SLC71A2: variants seen among roughly 807,000 people sequenced by gnomAD.
The protein encoded by SLC71A2 is solute carrier family 71 member 2.
the SLC71A2 span, chr9:94,458,264 C>A: frequency 1.3e-6 from 2 of 1,540,726 alleles, no homozygotes; most frequent in Non-Finnish European, 1.8e-6. Flanking sequence ...CTGTGCAGCT[C>A]CAAATCTTGA....
At chr9:94,460,245 AGGATGAGAGTTAGTAACT>A in the SLC71A2 span, 1 of 152,634 alleles carries the variant, frequency 6.6e-6, no homozygotes, top group African/African-American at 2.4e-5. Context: ...ATTCCTAAGT[AGGATGAGAGTTAGTAACT>A]GGATACGAGT....
the SLC71A2 span, among the ~76,000 whole-genome samples, chr9:94,387,302 A>G: frequency 6.6e-6 from 1 of 152,178 alleles, no homozygotes; most frequent in Non-Finnish European, 1.5e-5. Flanking sequence ...AATCATATTA[A>G]TATTGTTTAT....
the SLC71A2 span, among the ~76,000 whole-genome samples, chr9:94,458,102 A>G: frequency 2.0e-5 from 3 of 152,180 alleles, no homozygotes; most frequent in Admixed American, 6.5e-5. Context: ...TTTGGATTGT[A>G]TATGTTTTTA....
At chr9:94,437,299 T>C in the SLC71A2 span, among the ~76,000 whole-genome samples, 1 of 140,776 alleles carries the variant, frequency 7.1e-6, no homozygotes, top group African/African-American at 2.7e-5. Flanking sequence ...TGTGTACTCA[T>C]CACCTATTTC....
chr9:94,415,769 A>T, the SLC71A2 span, among the ~76,000 whole-genome samples: 4 of 152,152 alleles, frequency 2.6e-5, no homozygotes, highest in South Asian at 4.2e-4. Flanking sequence ...TGCTGATCTG[A>T]CAGGAGGCAG....
the SLC71A2 span, among the ~76,000 whole-genome samples, chr9:94,452,622 T>TATATATATATTTTCATATATATATTC: frequency 1.4e-5 from 2 of 143,628 alleles, no homozygotes; most frequent in Admixed American, 1.4e-4. Flanking sequence ...AGAATATATA[T>TATATATATATTTTCATATATATATTC]ATATATATAT....
At chr9:94,374,884 T>G in the SLC71A2 span, 1 of 1,231,230 alleles carries the variant, frequency 8.1e-7, no homozygotes. Context: ...GCGGGAGCCA[T>G]GCCGGAGAAG....
the SLC71A2 span, among the ~76,000 whole-genome samples, chr9:94,423,010 C>G: frequency 6.8e-6 from 1 of 147,446 alleles, no homozygotes; most frequent in Admixed American, 6.9e-5. Flanking sequence ...GATATCGGTT[C>G]ACTGCAATGT....
the SLC71A2 span, among the ~76,000 whole-genome samples, chr9:94,420,289 C>A: frequency 1.3e-5 from 2 of 152,210 alleles, no homozygotes; most frequent in African/African-American, 2.4e-5. Context: ...GACAACACTC[C>A]AAATCCAACG....
chr9:94,381,684 CTG>C, the SLC71A2 span, among the ~76,000 whole-genome samples: 1 of 152,154 alleles, frequency 6.6e-6, no homozygotes, highest in African/African-American at 2.4e-5. Context: ...TTTTAAGAAA[CTG>C]TTGGCTGGGC....
chr9:94,382,140 C>T, the SLC71A2 span, among the ~76,000 whole-genome samples: 1 of 151,908 alleles, frequency 6.6e-6, no homozygotes, highest in South Asian at 2.1e-4. Context: ...AATTCTCCCA[C>T]CTCAGCCTCT....
the SLC71A2 span, among the ~76,000 whole-genome samples, chr9:94,403,126 A>C: frequency 2.0e-5 from 3 of 152,036 alleles, no homozygotes; most frequent in Admixed American, 2.0e-4. Context: ...ATTTTTTGTG[A>C]CTGGCTCCTT....
the SLC71A2 span, among the ~76,000 whole-genome samples, chr9:94,394,859 T>G: frequency 6.8e-6 from 1 of 147,008 alleles, no homozygotes; most frequent in South Asian, 2.2e-4. Context: ...CTTTTTAATA[T>G]ATGTCTTCAT....
At chr9:94,388,115 C>T in the SLC71A2 span, among the ~76,000 whole-genome samples, 2 of 145,876 alleles carry the variant, frequency 1.4e-5, no homozygotes, top group Non-Finnish European at 3.0e-5. Context: ...CATTTAAGAT[C>T]TGTAGCGTGG....
the SLC71A2 span, among the ~76,000 whole-genome samples, chr9:94,455,393 T>TTTTTTTTTTTTTTTTTTTTTTTC: frequency 7.1e-6 from 1 of 141,120 alleles, no homozygotes; most frequent in Non-Finnish European, 1.5e-5. Context: ...TTTTTTTTTT[T>TTTTTTTTTTTTTTTTTTTTTTTC]TTTTTGTAAA....
At chr9:94,440,300 C>CCCA in the SLC71A2 span, among the ~76,000 whole-genome samples, 1 of 151,950 alleles carries the variant, frequency 6.6e-6, no homozygotes, top group Non-Finnish European at 1.5e-5. Context: ...ACTACAGGCG[C>CCCA]CCACCACCAC....
chr9:94,399,958 A>AG, the SLC71A2 span, among the ~76,000 whole-genome samples: 1 of 152,036 alleles, frequency 6.6e-6, no homozygotes. Context: ...GGCGTGTGCC[A>AG]CCACGGTGGC....
At chr9:94,418,225 A>T in the SLC71A2 span, among the ~76,000 whole-genome samples, 552 of 151,328 alleles carry the variant, frequency 3.6e-3, 4 homozygotes, top group African/African-American at 0.013. Context: ...ATTTATTTTT[A>T]TTTTTTTGCC....
chr9:94,457,737 T>C, the SLC71A2 span, among the ~76,000 whole-genome samples: 1 of 152,266 alleles, frequency 6.6e-6, no homozygotes, highest in Non-Finnish European at 1.5e-5. Context: ...AATGTCAGCA[T>C]ATAAAAGTTT....
Sources: gnomAD v4.1 joint callset for allele counts (sites outside exome capture counted in the v4.1 genomes callset) on GRCh38, gnomAD v4.1.1 for gene constraint, MANE v1.5 for transcripts, NCBI Gene and HGNC (gene_info 2026-07-23, HGNC 2026-07-21) for gene names.